Variants in CFAP20DC observed in about 807,000 individuals in gnomAD.
CFAP20DC encodes CFAP20 domain containing.
In CFAP20DC, 84 loss-of-function variants were observed where a neutral mutation model predicts 101.7. The ratio of observed to expected loss-of-function variants is 0.83; its 90% CI spans 0.69 to 0.99. The LOEUF (loss-of-function observed/expected upper bound fraction) is 0.99, where lower values mean the gene tolerates loss of function less well. Ranked by LOEUF, CFAP20DC falls within the 50% of genes least tolerant of loss-of-function variation. CFAP20DC has a pLI of 0.00. For synonymous variants in CFAP20DC, 359 were observed against 351.2 expected (o/e 1.02, Z -0.25); for missense variants, 1,007 against 970.3 (o/e 1.04, Z -0.50).
chr3:58,855,614 A>T (rs2078710102), intron 12 of CFAP20DC, among the ~76,000 whole-genome samples: 1 of 152,188 alleles, frequency 6.6e-6, no homozygotes, highest in Non-Finnish European at 1.5e-5. Context: ...GAATGGATTA[A>T]GAAAATGTGG....
chr3:58,794,869 T>G (rs2073122083), intron 15 of CFAP20DC, among the ~76,000 whole-genome samples: 1 of 152,220 alleles, frequency 6.6e-6, no homozygotes, highest in Admixed American at 6.5e-5. Context: ...TTGCTGAAAG[T>G]ATGAGCTACA....
intron 6 of CFAP20DC, among the ~76,000 whole-genome samples, chr3:58,890,652 G>A (rs1400714665): frequency 2.0e-5 from 3 of 147,610 alleles, no homozygotes; most frequent in South Asian, 4.3e-4. Flanking sequence ...TGGGCGGAGG[G>A]GCTCCTCTTT....
chr3:59,033,498 G>T lies in CFAP20DC; in HGVS notation c.278+6059C>A, dbSNP rs537803480. 3.3e-5 allele frequency among the ~76,000 whole-genome samples: 5 copies of T among 152,194 alleles called. No individual in the cohort carries two copies. In the South Asian group the frequency reaches 8.3e-4, roughly 25 times the overall value. On this transcript the variant is annotated intron_variant, in intron 4 of 16. Transcript: ENST00000482387. ...TAACTAGAATAACCAGTTTAGAGAA[G>T]AACATAAATGACCTGATGGAGCTGA...
intron 15 of CFAP20DC, among the ~76,000 whole-genome samples, chr3:58,760,585 G>C (rs1179756763): frequency 1.3e-5 from 2 of 152,158 alleles, no homozygotes; most frequent in African/African-American, 4.8e-5. Flanking sequence ...AATAGGAGTG[G>C]TGAGAGAGGG....
intron 3 of CFAP20DC, among the ~76,000 whole-genome samples, chr3:58,736,335 G>A (rs1366183914): frequency 6.6e-6 from 1 of 152,088 alleles, no homozygotes; most frequent in Non-Finnish European, 1.5e-5. Context: ...GCAAGTAGTG[G>A]AAAAAACAAA....
chr3:58,884,002 A>T (rs960944920), intron 7 of CFAP20DC, among the ~76,000 whole-genome samples: 1 of 152,156 alleles, frequency 6.6e-6, no homozygotes, highest in African/African-American at 2.4e-5. Flanking sequence ...TTTAAAAAAA[A>T]TTTCAGACAA....
chr3:58,830,441 A>C (rs1575803090), intron 14 of CFAP20DC, among the ~76,000 whole-genome samples: 1 of 152,190 alleles, frequency 6.6e-6, no homozygotes, highest in Non-Finnish European at 1.5e-5. Flanking sequence ...AACAGTGCTT[A>C]CCACACAGAG....
chr3:58,841,837 C>G (rs1378687737), intron 13 of CFAP20DC, among the ~76,000 whole-genome samples: 1 of 152,168 alleles, frequency 6.6e-6, no homozygotes, highest in Non-Finnish European at 1.5e-5. Context: ...TAAGCTCAAA[C>G]TTTTTCTGGA....
intron 4 of CFAP20DC, among the ~76,000 whole-genome samples, chr3:59,024,629 A>G (rs1255563757): frequency 6.6e-6 from 1 of 151,646 alleles, no homozygotes; most frequent in East Asian, 1.9e-4. Context: ...AATTTATGAG[A>G]AAAAAAAATA....
At chr3:58,890,670 G>C (rs1230985725) in intron 6 of CFAP20DC, among the ~76,000 whole-genome samples, 2 of 149,646 alleles carry the variant, frequency 1.3e-5, no homozygotes, top group African/African-American at 4.9e-5. Flanking sequence ...TTTTCAGACG[G>C]GGTGGTTGCC....
In CFAP20DC at chr3:58,742,544, G is replaced by A. The variant is rs537146256; in HGVS notation, c.2361C>T (p.Asp787=). The change falls in exon 17 of 17, where the codon GAC becomes GAT. Residue 787 remains aspartate (D), a synonymous_variant. Coordinates refer to ENST00000482387, the MANE Select transcript of CFAP20DC (RefSeq NM_001394063.1). ...CATACAACAAAGTCAGTACTTCCTCGTCCTCTTCCACACTGAGGTCTTCTT... is the reference window on the plus strand; with the variant it reads ...CATACAACAAAGTCAGTACTTCCTCATCCTCTTCCACACTGAGGTCTTCTT... ...QGEEDLSVEE[D]EEVLTLLYDP... is the part of the protein sequence containing the mutation. The A allele has an allele frequency of 3.4e-5, 54 of 1,606,328 alleles. No homozygotes were observed. The South Asian group carries it at 4.5e-4, about 13-fold the overall frequency.
At chr3:59,025,976 A>C (rs1259287469) in intron 4 of CFAP20DC, among the ~76,000 whole-genome samples, 1 of 152,174 alleles carries the variant, frequency 6.6e-6, no homozygotes, top group Admixed American at 6.5e-5. Flanking sequence ...TTAATAGATA[A>C]AGGATATGCA....
chr3:58,753,871 G>C lies in CFAP20DC; in HGVS notation c.2238-8C>G. 1 of 1,584,530 alleles carries C rather than the reference G, an allele frequency of 6.3e-7. No homozygotes were observed. The highest frequency in any genetic ancestry group is 1.4e-5 in the African/African-American group (1 of 73,950). On this transcript the variant is annotated splice_polypyrimidine_tract_variant and splice_region_variant and intron_variant, in intron 15 of 16. Transcript: ENST00000482387. ...AACATATTTAACCAGTCCCTAAAAA[G>C]AAAACAAAGTGAATGAGCATGTCTG...
chr3:59,049,379 C>A (rs991493367), intron 1 of CFAP20DC, among the ~76,000 whole-genome samples: 14 of 152,152 alleles, frequency 9.2e-5, no homozygotes, highest in Admixed American at 8.5e-4. Context: ...ACAATTAATT[C>A]ATCTTAAGAA....
intron 14 of CFAP20DC, among the ~76,000 whole-genome samples, chr3:58,818,174 C>A (rs1387205375): frequency 6.6e-6 from 1 of 151,636 alleles, no homozygotes; most frequent in South Asian, 2.1e-4. Context: ...CGGTACCAGC[C>A]GCTGCAAAAT....
Position 59,014,527 on chromosome 3 carries a change from A to C in CFAP20DC, c.278+25030T>G, listed in dbSNP as rs2093650947. ...AGAGGGTAACAGTTGAAAAGCCTGA[A>C]TTTTTCTGACAGTACTTGCAGTTAA... On this transcript the variant is annotated intron_variant, in intron 4 of 16. Coordinates refer to ENST00000482387, the MANE Select transcript of CFAP20DC (RefSeq NM_001394063.1). This position sits in a 1 kb window ranked among gnomAD's most constrained non-coding sequence, Gnocchi z 4.9. Among the ~76,000 whole-genome samples, 1 of 152,170 alleles carries C rather than the reference A, an allele frequency of 6.6e-6. No homozygotes were observed. Among genetic ancestry groups the C allele is most frequent in the African/African-American group, 2.4e-5 (1 of 41,454 alleles).
At chr3:59,016,742 T>G (rs565289642) in intron 4 of CFAP20DC, among the ~76,000 whole-genome samples, 1 of 152,158 alleles carries the variant, frequency 6.6e-6, no homozygotes, top group South Asian at 2.1e-4. Context: ...TCTCAGTAGG[T>G]CTGGGGTGGG....
At chr3:58,851,126 G>C (rs1176594859) in intron 12 of CFAP20DC, among the ~76,000 whole-genome samples, 1 of 152,144 alleles carries the variant, frequency 6.6e-6, no homozygotes, top group Non-Finnish European at 1.5e-5. Flanking sequence ...TGTAATGATA[G>C]ACCAGAACAT....
Position 58,884,618 on chromosome 3 carries a change from C to T in CFAP20DC, c.642G>A (p.Gln214=), listed in dbSNP as rs765815898. 1.9e-6 allele frequency: 3 copies of T among 1,613,854 alleles called. No individual in the cohort carries two copies. Among genetic ancestry groups the T allele is most frequent in the East Asian group, 2.2e-5 (1 of 44,880 alleles). The change falls in exon 7 of 17, where the codon CAG becomes CAA. Residue 214 remains glutamine, a synonymous_variant. Transcript: ENST00000482387. ...GGCGAAGTTTAGTCATGTTTAGCAG[C>T]TGTGTGACATGTGGAACATCTGTCA... ...QLMTDVPHVT[Q]LLNMTKLRQT...
Sources: allele counts gnomAD v4.1 joint callset (sites outside exome capture counted in the v4.1 genomes callset), GRCh38; gene constraint gnomAD v4.1.1; non-coding constraint Gnocchi (gnomAD v3.1); transcripts MANE v1.5; gene names NCBI Gene and HGNC (gene_info 2026-07-23, HGNC 2026-07-21).